Variants in NOL4L observed in about 807,000 individuals in gnomAD.
NOL4L encodes nucleolar protein 4 like.
Under a neutral mutation model 64.5 loss-of-function variants are expected in NOL4L, and 7 were observed. The ratio of observed to expected loss-of-function variants is 0.11; its 90% confidence interval spans 0.06 to 0.20. The LOEUF (loss-of-function observed/expected upper bound fraction) is 0.20. NOL4L is among the 10% of genes least tolerant of loss of function. The pLI, the probability that NOL4L is intolerant of heterozygous loss-of-function variation, is 1.00. For synonymous variants in NOL4L, 413 were observed against 401.0 expected (o/e 1.03, Z -0.36); for missense variants, 680 against 967.1 (o/e 0.70, Z 3.94).
intron 2 of NOL4L, among the ~76,000 whole-genome samples, chr20:32,525,208 C>T (rs1365130067): frequency 1.3e-5 from 2 of 152,216 alleles, no homozygotes; most frequent in African/African-American, 2.4e-5. Context: ...GCATGGAGGC[C>T]GCAGACCCCT....
At chr20:32,559,321 G>A (rs574135646) in intron 1 of NOL4L, among the ~76,000 whole-genome samples, 31 of 152,286 alleles carry the variant, frequency 2.0e-4, no homozygotes, top group African/African-American at 6.5e-4. Flanking sequence ...CCCTGCCTCA[G>A]GTCTTGCATC....
At chr20:32,566,657 A>C (rs545146467) in intron 1 of NOL4L, among the ~76,000 whole-genome samples, 4 of 152,154 alleles carry the variant, frequency 2.6e-5, no homozygotes, top group African/African-American at 9.6e-5. Flanking sequence ...TTCCCGTATA[A>C]TTTGCTCCTA....
At chr20:32,540,845 A>G (rs536894859) in intron 1 of NOL4L, among the ~76,000 whole-genome samples, 3 of 151,552 alleles carry the variant, frequency 2.0e-5, no homozygotes, top group Non-Finnish European at 4.4e-5. Flanking sequence ...CCTGGCACAC[A>G]TTATCTCCCT....
intron 5 of NOL4L, among the ~76,000 whole-genome samples, chr20:32,469,063 C>T (rs574898504): frequency 6.2e-4 from 95 of 152,208 alleles, no homozygotes; most frequent in African/African-American, 2.2e-3. Flanking sequence ...TGTGGAACAG[C>T]GACATGTATA....
intron 1 of NOL4L, among the ~76,000 whole-genome samples, chr20:32,556,109 T>A (rs1978633986): frequency 6.6e-6 from 1 of 152,174 alleles, no homozygotes; most frequent in Non-Finnish European, 1.5e-5. Context: ...AGGCCCCCCC[T>A]AAATACATGC....
At chr20:32,541,800 A>C (rs2018660685) in intron 1 of NOL4L, among the ~76,000 whole-genome samples, 1 of 152,202 alleles carries the variant, frequency 6.6e-6, no homozygotes. Context: ...GACTAAATGG[A>C]GATGTAATTT....
chr20:32,466,516 C>G (rs1432366833), intron 5 of NOL4L, among the ~76,000 whole-genome samples: 1 of 152,306 alleles, frequency 6.6e-6, no homozygotes, highest in Non-Finnish European at 1.5e-5. Context: ...GCCAGTGTGG[C>G]CCACAGCCAA....
intron 2 of NOL4L, 47 bp downstream of exon 2, chr20:32,527,711 G>C: frequency 6.6e-7 from 1 of 1,512,106 alleles, no homozygotes; most frequent in Non-Finnish European, 8.9e-7. Flanking sequence ...GTGGCCTCCT[G>C]CCAAGGCCTG....
chr20:32,567,282 C>T (rs1979488421), intron 1 of NOL4L, among the ~76,000 whole-genome samples: 1 of 152,214 alleles, frequency 6.6e-6, no homozygotes, highest in Non-Finnish European at 1.5e-5. Flanking sequence ...CCCCACTCTC[C>T]ATCCCGGTTC....
chr20:32,584,848 C>G lies in NOL4L; in HGVS notation c.43G>C (p.Glu15Gln). ...AGCTCCGAGTCCCCGGGGCTGCGCT[C>G]GCGCTCCCAGCCCCCGCGCAGCAGC... ...TLLLRGGWERERSPGDSELGR... is the reference protein window; with the variant it reads ...TLLLRGGWERQRSPGDSELGR... The change falls in exon 1 of 11, where the codon GAG becomes CAG. Residue 15 changes from glutamate (E) to glutamine (Q), a missense_variant. Transcript: ENST00000621426. The G allele has an allele frequency of 1.4e-6, 2 of 1,463,628 alleles. No homozygotes were observed. The highest frequency in any genetic ancestry group is 1.8e-4 in the Middle Eastern group (1 of 5,422). 90.7% of individuals were successfully genotyped at this position (1,463,628 alleles called of 1,614,324 possible).
chr20:32,484,852 G>A (rs1462738490), intron 4 of NOL4L, among the ~76,000 whole-genome samples: 1 of 151,496 alleles, frequency 6.6e-6, no homozygotes, highest in African/African-American at 2.4e-5. Flanking sequence ...CTGGACCTCC[G>A]AGCAACCTCG....
chr20:32,453,756 G>T lies in NOL4L; in HGVS notation c.1125C>A (p.Pro375=), dbSNP rs138302372. The change falls in exon 7 of 11, where the codon CCC becomes CCA. Residue 375 remains proline (P), a synonymous_variant. Transcript: ENST00000621426. The surrounding 1 kb of genome is among the most constrained non-coding windows in gnomAD (Gnocchi z 5.6). ...AATCGTAGCTCCCAGAGCTGTAGGG[G>T]GGGGACTAAAAGGAGGGCAAGAGGC... ...KYGVKTTPES[P]PYSSGSYDSI... is the part of the protein sequence containing the mutation. 4 of 1,552,790 alleles carry T rather than the reference G, an allele frequency of 2.6e-6. No homozygotes were observed. The highest frequency in any genetic ancestry group is 1.2e-5 in the South Asian group (1 of 84,160).
chr20:32,542,673 G>A (rs1352438016), intron 1 of NOL4L, among the ~76,000 whole-genome samples: 6 of 152,094 alleles, frequency 3.9e-5, no homozygotes, highest in African/African-American at 1.4e-4. Context: ...CTTCTGACTC[G>A]TCTCTTGAAC....
chr20:32,504,514 C>T (rs899201283), intron 4 of NOL4L, among the ~76,000 whole-genome samples: 1 of 148,812 alleles, frequency 6.7e-6, no homozygotes, highest in Admixed American at 6.7e-5. Flanking sequence ...GAGCCAAGAT[C>T]GTGCCACTGC....
At chr20:32,465,819 G>C (rs895731612) in intron 5 of NOL4L, among the ~76,000 whole-genome samples, 4 of 152,182 alleles carry the variant, frequency 2.6e-5, no homozygotes, top group Non-Finnish European at 4.4e-5. Context: ...AGTCACCCTT[G>C]AACAGGCTCC....
chr20:32,557,566 A>C (rs1978742507), intron 1 of NOL4L, among the ~76,000 whole-genome samples: 1 of 152,164 alleles, frequency 6.6e-6, no homozygotes, highest in Non-Finnish European at 1.5e-5. Context: ...GCAAGCCGTT[A>C]ATGGTGGGCA....
At chr20:32,583,706 G>A (rs1431598422) in intron 1 of NOL4L, among the ~76,000 whole-genome samples, 3 of 148,970 alleles carry the variant, frequency 2.0e-5, no homozygotes, top group Admixed American at 6.6e-5. Flanking sequence ...GAGCCGCGGG[G>A]CCCGCGCCGC....
In NOL4L at chr20:32,452,312, G is replaced by A; in HGVS notation, c.1746C>T (p.Tyr582=). The A allele has an allele frequency of 6.2e-7, 1 of 1,609,658 alleles. No homozygotes were observed. Among genetic ancestry groups the A allele is most frequent in the Non-Finnish European group, 8.5e-7 (1 of 1,177,728 alleles). ...DPVYANGGLN[Y]SYRGYGALSS... ...TCAAGGCCCCGTACCCGCGGTAACTGTAGTTGAGGCCGCCGTTGGCGTACA... is the reference window on the plus strand; with the variant it reads ...TCAAGGCCCCGTACCCGCGGTAACTATAGTTGAGGCCGCCGTTGGCGTACA... Residue 582 remains tyrosine (Y), a synonymous_variant, in exon 10 of 11, where the codon TAC becomes TAT. Coordinates refer to ENST00000621426, the MANE Select transcript of NOL4L (RefSeq NM_001256798.2).
chr20:32,579,284 C>T (rs1382651860), intron 1 of NOL4L, among the ~76,000 whole-genome samples: 1 of 152,224 alleles, frequency 6.6e-6, no homozygotes, highest in African/African-American at 2.4e-5. Flanking sequence ...TTCCAGCCTG[C>T]ACATAGATAG....
Sources: gnomAD v4.1 joint callset for allele counts (sites outside exome capture counted in the v4.1 genomes callset) on GRCh38, gnomAD v4.1.1 for gene constraint, Gnocchi (gnomAD v3.1) non-coding constraint, MANE v1.5 for transcripts, NCBI Gene and HGNC (gene_info 2026-07-23, HGNC 2026-07-21) for gene names.